VAV2: variants seen among roughly 807,000 people sequenced by gnomAD.
The protein encoded by VAV2 is guanine nucleotide exchange factor VAV2.
Under a neutral mutation model 132.5 loss-of-function variants are expected in VAV2, and 67 were observed. The observed-to-expected ratio is 0.51, with a 90% CI of 0.42 to 0.62. The LOEUF (loss-of-function observed/expected upper bound fraction) is 0.62, where lower values mean the gene tolerates loss of function less well. VAV2 is among the 20% of genes least tolerant of loss of function. VAV2 has a pLI of 0.00. For missense variants in VAV2, 938 were observed against 1,153.6 expected, an observed-to-expected ratio of 0.81 and a Z score of 2.71; for synonymous variants, 492 against 443.5, an observed-to-expected ratio of 1.11 and a Z score of -1.37.
At chr9:133,843,983 C>A (rs948031062) in intron 3 of VAV2, among the ~76,000 whole-genome samples, 4 of 152,154 alleles carry the variant, frequency 2.6e-5, no homozygotes, top group Non-Finnish European at 5.9e-5. Flanking sequence ...TCCAAGGCCA[C>A]CAGGGGAGAT....
rs1351579892 is a variant in VAV2, at chr9:133,912,093, A to C, written c.321+27010T>G. ...TTTCCTGATCTCCTCCCTGCCCTCC[A>C]AAGATGGCTGATTTTCAAAGATGGG... On this transcript the variant is annotated intron_variant, in intron 2 of 29. Coordinates refer to ENST00000371850, the MANE Select transcript of VAV2 (RefSeq NM_001134398.2). This position sits in a 1 kb window ranked among gnomAD's most constrained non-coding sequence, Gnocchi z 4.3. Among the ~76,000 whole-genome samples the C allele has an allele frequency of 6.6e-6, 1 of 152,162 alleles. No homozygotes were observed. The highest frequency in any genetic ancestry group is 1.5e-5 in the Non-Finnish European group (1 of 68,022).
chr9:133,976,835 T>C (rs916182834), intron 1 of VAV2, among the ~76,000 whole-genome samples: 2 of 152,028 alleles, frequency 1.3e-5, no homozygotes, highest in Non-Finnish European at 2.9e-5. Flanking sequence ...GGATCCCCCA[T>C]TCATCCACTG....
At chr9:133,910,342 A>C (rs2132040455) in intron 2 of VAV2, among the ~76,000 whole-genome samples, 1 of 152,310 alleles carries the variant, frequency 6.6e-6, no homozygotes, top group East Asian at 1.9e-4. Flanking sequence ...TGTTAGAAGC[A>C]GTCAAGCCTA....
chr9:133,974,250 G>A lies in VAV2; in HGVS notation c.204+17825C>T, dbSNP rs150401472. 3.8e-3 allele frequency among the ~76,000 whole-genome samples: 581 copies of A among 152,268 alleles called. 4 individuals are homozygous for A. Among genetic ancestry groups the A allele is most frequent in the African/African-American group, 0.013 (530 of 41,552 alleles). ...GCCCGGAGCCAGGCACGGGGTAGCG[G>A]TCAGTAACGCTTGCTGGGTGAGTGA... On this transcript the variant is annotated intron_variant, in intron 1 of 29. Transcript: ENST00000371850.
intron 19 of VAV2, 23 bp from the exon 20 acceptor site, chr9:133,780,733 GT>G: frequency 7.9e-7 from 1 of 1,268,840 alleles, no homozygotes; most frequent in Non-Finnish European, 1.0e-6. Flanking sequence ...CAGGTCAGGT[GT>G]TAGAGGGGAG....
At chr9:133,859,353 G>A (rs1033753193) in intron 3 of VAV2, among the ~76,000 whole-genome samples, 2 of 152,242 alleles carry the variant, frequency 1.3e-5, no homozygotes, top group Non-Finnish European at 2.9e-5. Flanking sequence ...CTGGGACCCA[G>A]GACTGTGATC....
chr9:133,822,811 C>T (rs998158303), intron 4 of VAV2, among the ~76,000 whole-genome samples: 2 of 143,680 alleles, frequency 1.4e-5, no homozygotes, highest in Non-Finnish European at 3.0e-5. Flanking sequence ...CAAAAAAGAA[C>T]AGCCCCTGGG....
rs1433584585 is a variant in VAV2 at position 133,794,520 on chromosome 9, C to CA, written c.1101+1147dup. Among the ~76,000 whole-genome samples the CA allele has an allele frequency of 2.6e-5, 4 of 152,208 alleles. No individual in the cohort carries two copies. Among genetic ancestry groups the CA allele is most frequent in the African/African-American group, 7.2e-5 (3 of 41,466 alleles). ...GTCCCAGCCCAACAGCAGCTATAGA[C>CA]AGAGACAGATTACAGCCCCTCCCCC... On this transcript the variant is annotated intron_variant, in intron 12 of 29. Coordinates refer to ENST00000371850, the MANE Select transcript of VAV2 (RefSeq NM_001134398.2). The surrounding 1 kb of genome is among the most constrained non-coding windows in gnomAD (Gnocchi z 4.6).
In VAV2 at chr9:133,908,218, G is replaced by A. The variant is rs145976693; in HGVS notation, c.321+30885C>T. On this transcript the variant is annotated intron_variant, in intron 2 of 29. Coordinates refer to ENST00000371850, the MANE Select transcript of VAV2 (RefSeq NM_001134398.2). Reference sequence around the variant, plus strand: ...TTTGAAGTGGCACCATAGTCCTTGCGGCCACTTAAAGCATGAGCTCCAAGG... The same window carrying A: ...TTTGAAGTGGCACCATAGTCCTTGCAGCCACTTAAAGCATGAGCTCCAAGG... 7.9e-3 allele frequency among the ~76,000 whole-genome samples: 1,193 copies of A among 151,946 alleles called. 18 individuals carry two copies. Among genetic ancestry groups the A allele is most frequent in the African/African-American group, 0.027 (1,117 of 41,402 alleles).
chr9:133,813,386 G>A (rs931451100), intron 4 of VAV2, among the ~76,000 whole-genome samples: 1 of 152,232 alleles, frequency 6.6e-6, no homozygotes, highest in Non-Finnish European at 1.5e-5. Flanking sequence ...CCCCAGCCAC[G>A]CTGTGTGCCA....
rs1326357143 is a variant in VAV2 at position 133,883,553 on chromosome 9, GA to G, written c.322-22122del. Among the ~76,000 whole-genome samples the G allele has an allele frequency of 6.6e-6, 1 of 152,136 alleles. No homozygotes were observed. The highest frequency in any genetic ancestry group is 2.1e-4 in the South Asian group (1 of 4,836). On this transcript the variant is annotated intron_variant, in intron 2 of 29. Coordinates refer to ENST00000371850, the MANE Select transcript of VAV2 (RefSeq NM_001134398.2). The surrounding 1 kb of genome is among the most constrained non-coding windows in gnomAD (Gnocchi z 4.2). The stretch of plus-strand genomic sequence containing the variant: ...AAGTCATCCCCAGCCACGGCAGGCA[GA>G]CAGCCCAGCAGAGACTCCCAAGTCA...
chr9:133,913,703 C>T (rs958758627), intron 2 of VAV2, among the ~76,000 whole-genome samples: 5 of 152,274 alleles, frequency 3.3e-5, no homozygotes, highest in African/African-American at 9.6e-5. Context: ...AGCAGGGCCA[C>T]GACTGAGAAC....
chr9:133,970,355 G>C (rs1842288933), intron 1 of VAV2, among the ~76,000 whole-genome samples: 1 of 152,216 alleles, frequency 6.6e-6, no homozygotes, highest in Admixed American at 6.5e-5. Context: ...CCAAGCGGAG[G>C]CTGGGGGATG....
At chr9:133,776,255 G>A (rs1833807626) in intron 23 of VAV2, among the ~76,000 whole-genome samples, 175 bp from the exon 24 acceptor site, 4 of 152,236 alleles carry the variant, frequency 2.6e-5, no homozygotes, top group Admixed American at 2.6e-4. Context: ...GTCGTGGCCA[G>A]GACAACCTCA....
intron 3 of VAV2, among the ~76,000 whole-genome samples, chr9:133,836,745 G>A (rs1036329126): frequency 6.6e-6 from 1 of 152,160 alleles, no homozygotes; most frequent in Non-Finnish European, 1.5e-5. Context: ...GGCCATTCGG[G>A]GACTGTACTT....
At chr9:133,988,233 C>CTG (rs1842915774) in intron 1 of VAV2, among the ~76,000 whole-genome samples, 1 of 150,084 alleles carries the variant, frequency 6.7e-6, no homozygotes, top group African/African-American at 2.4e-5. Flanking sequence ...GCACCCACCC[C>CTG]CCACCCCTGC....
rs141851235 is a variant in VAV2, at chr9:133,903,180, AGTGCCCCGGGACACAGTCTCCCT to A, written c.321+35900_321+35922del. 9.4e-3 allele frequency among the ~76,000 whole-genome samples: 1,427 copies of A among 151,880 alleles called. 31 individuals are homozygous for A. Among genetic ancestry groups the A allele is most frequent in the African/African-American group, 0.033 (1,348 of 41,406 alleles). On this transcript the variant is annotated intron_variant, in intron 2 of 29. Coordinates refer to ENST00000371850, the MANE Select transcript of VAV2 (RefSeq NM_001134398.2). The stretch of plus-strand genomic sequence containing the variant: ...AAGACGCCGTCTGCAAGCCCAGGAG[AGTGCCCCGGGACACAGTCTCCCT>A]GTGCCCCAGAAGGCACCAGCCCCGC...
intron 2 of VAV2, among the ~76,000 whole-genome samples, chr9:133,908,990 A>C (rs1201779011): frequency 2.0e-5 from 3 of 152,256 alleles, no homozygotes; most frequent in Admixed American, 1.3e-4. Flanking sequence ...GGGACCCACG[A>C]GGAATGATTG....
intron 2 of VAV2, among the ~76,000 whole-genome samples, chr9:133,903,206 GC>G (rs2132018667): frequency 6.6e-6 from 1 of 151,772 alleles, no homozygotes; most frequent in East Asian, 1.9e-4. Flanking sequence ...GTCTCCCTGT[GC>G]CCCAGAAGGC....
Sources: allele counts gnomAD v4.1 joint callset (sites outside exome capture counted in the v4.1 genomes callset), GRCh38; gene constraint gnomAD v4.1.1; non-coding constraint Gnocchi (gnomAD v3.1); transcripts MANE v1.5; gene names NCBI Gene and HGNC (gene_info 2026-07-23, HGNC 2026-07-21).